The following TESC variants were observed in gnomAD, a reference collection of about 807,000 sequenced individuals.
TESC encodes tescalcin, also known as calcineurin B homologous protein 3.
TESC carries 19 observed loss-of-function variants against 31.0 expected under a neutral mutation model. That is an observed-to-expected ratio of 0.61 (90% CI 0.43 to 0.90). The LOEUF (loss-of-function observed/expected upper bound fraction) is 0.90, where lower values mean the gene tolerates loss of function less well. Ranked by LOEUF, TESC falls within the 40% of genes least tolerant of loss-of-function variation. TESC has a pLI of 0.00. For missense variants in TESC, 248 were observed against 303.8 expected (o/e 0.82, Z 1.36); for synonymous variants, 109 against 114.8 (o/e 0.95, Z 0.32).
At position 117,055,211 on chromosome 12, in the gene TESC, G is replaced by A. The variant is rs143465744; in HGVS notation, c.209+1595C>T. Among the ~76,000 whole-genome samples the A allele has an allele frequency of 2.2e-3, 342 of 152,216 alleles. 2 individuals carry two copies. Among genetic ancestry groups the A allele is most frequent in the African/African-American group, 7.8e-3 (325 of 41,520 alleles). Reference sequence around the variant, plus strand: ...GACTGGAGTACAGTGGTGCAATCTCGACTTACTGCAACCTCCACCTCCCGA... The same window carrying A: ...GACTGGAGTACAGTGGTGCAATCTCAACTTACTGCAACCTCCACCTCCCGA... On this transcript the variant is annotated intron_variant, in intron 3 of 7. Transcript: ENST00000335209.
chr12:117,075,065 G>A (rs1004608603), intron 2 of TESC, among the ~76,000 whole-genome samples: 1 of 152,190 alleles, frequency 6.6e-6, no homozygotes, highest in East Asian at 1.9e-4. Flanking sequence ...AGAATGGTGT[G>A]AACCCAGGAG....
chr12:117,039,600 T>C (rs1009004266), intron 7 of TESC, among the ~76,000 whole-genome samples: 4 of 152,308 alleles, frequency 2.6e-5, no homozygotes, highest in East Asian at 1.9e-4. Flanking sequence ...TCACAGAACG[T>C]TGGGGGCTCT....
At chr12:117,095,350 G>A (rs141315999) in intron 1 of TESC, among the ~76,000 whole-genome samples, 16 of 152,290 alleles carry the variant, frequency 1.1e-4, no homozygotes, top group African/African-American at 2.6e-4. Flanking sequence ...TGGGATTATA[G>A]GCGTGAGCCA....
chr12:117,077,466 G>A (rs1369040541), intron 1 of TESC, among the ~76,000 whole-genome samples: 2 of 152,196 alleles, frequency 1.3e-5, no homozygotes, highest in Non-Finnish European at 2.9e-5. Context: ...CCAAGCATGC[G>A]TACAAAGATG....
intron 1 of TESC, among the ~76,000 whole-genome samples, chr12:117,098,905 T>C (rs1291421344): frequency 1.3e-5 from 2 of 151,306 alleles, no homozygotes; most frequent in South Asian, 4.2e-4. Flanking sequence ...CTGAGGGACT[T>C]GCCCGCCCGG....
At chr12:117,041,394 G>T (rs965888803) in intron 7 of TESC, among the ~76,000 whole-genome samples, 1 of 149,894 alleles carries the variant, frequency 6.7e-6, no homozygotes, top group African/African-American at 2.5e-5. Context: ...GTACAGTGGC[G>T]CAATCTCAGC....
At chr12:117,068,278 C>T (rs1201126206) in intron 2 of TESC, among the ~76,000 whole-genome samples, 1 of 152,042 alleles carries the variant, frequency 6.6e-6, no homozygotes, top group Non-Finnish European at 1.5e-5. Context: ...ACCTGTAATC[C>T]CAGCACTTTG....
In TESC at chr12:117,088,371, T is replaced by C. The variant is rs77311354; in HGVS notation, c.58+10854A>G. 7.7e-3 allele frequency among the ~76,000 whole-genome samples: 1,176 copies of C among 152,148 alleles called. 15 individuals carry two copies. The highest frequency in any genetic ancestry group is 0.025 in the African/African-American group (1,046 of 41,498). ...ATTTATCCTGAGGCCAAATCAAGCA[T>C]AAACAGGCTTATCTAAAGTACAAGG... On this transcript the variant is annotated intron_variant, in intron 1 of 7. Coordinates refer to ENST00000335209, the MANE Select transcript of TESC (RefSeq NM_017899.4).
chr12:117,068,210 C>A (rs1954913921), intron 2 of TESC, among the ~76,000 whole-genome samples: 1 of 149,388 alleles, frequency 6.7e-6, no homozygotes, highest in South Asian at 2.3e-4. Flanking sequence ...GTGGTAACTT[C>A]AAAAAATGAC....
intron 1 of TESC, among the ~76,000 whole-genome samples, chr12:117,076,879 T>C (rs985276731): frequency 3.3e-5 from 5 of 152,160 alleles, no homozygotes; most frequent in Admixed American, 2.6e-4. Flanking sequence ...AGAAGTAATA[T>C]CGCCTGTCTG....
At chr12:117,088,359 C>A (rs939276667) in intron 1 of TESC, among the ~76,000 whole-genome samples, 3 of 152,024 alleles carry the variant, frequency 2.0e-5, no homozygotes, top group African/African-American at 7.3e-5. Flanking sequence ...TATCCTGAGG[C>A]CAAATCAAGC....
rs1038814778 is a variant in TESC, at chr12:117,065,838, AACC to A, written c.129-8955_129-8953del. Among the ~76,000 whole-genome samples the A allele has an allele frequency of 3.1e-4, 47 of 152,286 alleles. 2 individuals are homozygous for A. The highest frequency in any genetic ancestry group is 1.1e-3 in the African/African-American group (47 of 41,568). ...TTGAGGCTGCAGTGAGCTGAGATCG[AACC>A]ACCACACTTCAGCTTGGGCAACAGA... On this transcript the variant is annotated intron_variant, in intron 2 of 7. Coordinates refer to ENST00000335209, the MANE Select transcript of TESC (RefSeq NM_017899.4).
chr12:117,098,877 G>C (rs1313069219), intron 1 of TESC, among the ~76,000 whole-genome samples: 1 of 152,168 alleles, frequency 6.6e-6, no homozygotes, highest in Non-Finnish European at 1.5e-5. Context: ...TGTGGGGCGC[G>C]CGCGCCAGCG....
chr12:117,075,915 G>GTATATATACATATATA (rs1565971663), intron 1 of TESC, among the ~76,000 whole-genome samples: 1 of 50,720 alleles, frequency 2.0e-5, no homozygotes, highest in African/African-American at 1.1e-4. Flanking sequence ...ATATATATAT[G>GTATATATACATATATA]TGTGTGTGTA....
chr12:117,082,894 A>G (rs1316055595), intron 1 of TESC, among the ~76,000 whole-genome samples: 3 of 152,110 alleles, frequency 2.0e-5, no homozygotes, highest in African/African-American at 7.2e-5. Flanking sequence ...TTGGGTTAAA[A>G]TTTTTTTAAC....
chr12:117,054,598 G>T (rs1350500439), intron 3 of TESC, among the ~76,000 whole-genome samples: 1 of 152,118 alleles, frequency 6.6e-6, no homozygotes, highest in Non-Finnish European at 1.5e-5. Context: ...ACAGAGGAAG[G>T]CCCCTGCAAC....
chr12:117,076,524 CA>C (rs1955076507), intron 1 of TESC, among the ~76,000 whole-genome samples: 1 of 152,002 alleles, frequency 6.6e-6, no homozygotes, highest in Non-Finnish European at 1.5e-5. Context: ...AGCTCATTGC[CA>C]CCTCTGCCTC....
intron 2 of TESC, among the ~76,000 whole-genome samples, chr12:117,070,545 G>C (rs910604409): frequency 6.6e-6 from 1 of 152,108 alleles, no homozygotes; most frequent in Non-Finnish European, 1.5e-5. Flanking sequence ...CCAGTAGCAG[G>C]GCAGGAAGAC....
intron 4 of TESC, 22 bp from the exon 5 acceptor site, chr12:117,046,860 G>A: frequency 1.3e-6 from 2 of 1,558,568 alleles, no homozygotes; most frequent in South Asian, 1.2e-5. Context: ...GGGGAGAGAG[G>A]GGACTCCGTC....
Sources: allele counts gnomAD v4.1 joint callset (sites outside exome capture counted in the v4.1 genomes callset), GRCh38; gene constraint gnomAD v4.1.1; transcripts MANE v1.5; gene names NCBI Gene and HGNC (gene_info 2026-07-23, HGNC 2026-07-21).